The following SUPT3H variants were observed in gnomAD, a reference collection of about 807,000 sequenced individuals.
SUPT3H encodes the protein SPT3 homolog, SAGA and STAGA complex component, also known as transcription initiation protein SPT3 homolog.
A neutral mutation model predicts 44.3 loss-of-function variants in SUPT3H; 44 were observed. The ratio of observed to expected loss-of-function variants is 0.99; its 90% CI spans 0.78 to 1.28. The LOEUF (loss-of-function observed/expected upper bound fraction) is 1.28, where lower values mean the gene tolerates loss of function less well. Ranked by LOEUF, SUPT3H falls within the 50% of genes most tolerant of loss-of-function variation. The pLI, the probability that SUPT3H is intolerant of heterozygous loss-of-function variation, is 0.00. For synonymous variants in SUPT3H, 124 were observed against 125.6 expected, an observed-to-expected ratio of 0.99 and a Z score of 0.09; for missense variants, 380 against 387.1, an observed-to-expected ratio of 0.98 and a Z score of 0.15.
intron 2 of SUPT3H, among the ~76,000 whole-genome samples, chr6:45,126,248 G>A (rs1237569780): frequency 2.0e-5 from 3 of 152,154 alleles, no homozygotes; most frequent in Non-Finnish European, 2.9e-5. Flanking sequence ...TGTGTACAGG[G>A]CCTCTTTTAA....
At chr6:45,140,710 G>A (rs908203733) in intron 2 of SUPT3H, among the ~76,000 whole-genome samples, 3 of 152,192 alleles carry the variant, frequency 2.0e-5, no homozygotes, top group African/African-American at 7.2e-5. Flanking sequence ...GAGACCTGAA[G>A]ACGGATAACA....
chr6:44,994,037 C>CA (rs1362221098), intron 6 of SUPT3H, among the ~76,000 whole-genome samples: 5 of 151,866 alleles, frequency 3.3e-5, no homozygotes, highest in African/African-American at 1.2e-4. Context: ...GGCTCAAAAA[C>CA]AAAACCAATA....
chr6:45,079,810 A>T (rs1795542496), intron 3 of SUPT3H, among the ~76,000 whole-genome samples: 1 of 152,226 alleles, frequency 6.6e-6, no homozygotes. Flanking sequence ...AAAATGGATT[A>T]AAGACTTAAA....
Position 45,165,711 on chromosome 6 carries a change from C to T in SUPT3H, c.102-59705G>A, listed in dbSNP as rs1809730592. On this transcript the variant is annotated intron_variant, in intron 2 of 10. Coordinates refer to ENST00000371459, the MANE Select transcript of SUPT3H (RefSeq NM_003599.4). ...AAAAACAGAATATCAGAGATAAATT[C>T]ATTAGATGACCTTATTAACGGTAAG... Among the ~76,000 whole-genome samples the T allele has an allele frequency of 2.0e-5, 3 of 151,996 alleles. No homozygotes were observed. In the South Asian group the frequency reaches 6.2e-4, roughly 32 times the overall value.
chr6:45,160,614 C>CA (rs551602245), intron 2 of SUPT3H, among the ~76,000 whole-genome samples: 5,405 of 138,910 alleles, frequency 0.039, 118 homozygotes, highest in Non-Finnish European at 0.06. Context: ...TGAATTGAAA[C>CA]AAAAAAAAAA....
chr6:44,831,141 T>C (rs1486613153), intron 10 of SUPT3H, among the ~76,000 whole-genome samples: 1 of 152,168 alleles, frequency 6.6e-6, no homozygotes, highest in Non-Finnish European at 1.5e-5. Context: ...CTTAAGAAGA[T>C]TTACTGTGCT....
At chr6:45,082,823 T>G (rs1352451709) in intron 3 of SUPT3H, among the ~76,000 whole-genome samples, 1 of 152,060 alleles carries the variant, frequency 6.6e-6, no homozygotes, top group Non-Finnish European at 1.5e-5. Context: ...AGGAAAATAC[T>G]AAGTCAAATT....
intron 2 of SUPT3H, among the ~76,000 whole-genome samples, chr6:45,205,539 G>A (rs1355733795): frequency 6.6e-6 from 1 of 152,162 alleles, no homozygotes; most frequent in Non-Finnish European, 1.5e-5. Context: ...GGCTCATGCT[G>A]TAATCTCAGC....
intron 3 of SUPT3H, among the ~76,000 whole-genome samples, chr6:45,025,076 C>T (rs1785752333): frequency 6.6e-6 from 1 of 152,150 alleles, no homozygotes; most frequent in Admixed American, 6.6e-5. Context: ...TATAATAATA[C>T]ATAAATCTCT....
intron 10 of SUPT3H, among the ~76,000 whole-genome samples, chr6:44,864,740 C>G (rs1561913356): frequency 6.6e-6 from 1 of 152,022 alleles, no homozygotes; most frequent in Non-Finnish European, 1.5e-5. Context: ...GACCCTGGGC[C>G]CAGCCCACAA....
At chr6:45,299,501 TAAGTAA>T (rs1039922262) in intron 2 of SUPT3H, among the ~76,000 whole-genome samples, 8 of 152,272 alleles carry the variant, frequency 5.3e-5, no homozygotes, top group South Asian at 4.1e-4. Flanking sequence ...ATGTGTAATA[TAAGTAA>T]AAGTTCAATT....
At chr6:44,885,181 C>T (rs13213412) in intron 10 of SUPT3H, among the ~76,000 whole-genome samples, 51,075 of 152,060 alleles carry the variant, frequency 0.34, 9,543 homozygotes, top group Admixed American at 0.41. Flanking sequence ...TCCACCTCTG[C>T]GGGCAGGGCA....
intron 3 of SUPT3H, among the ~76,000 whole-genome samples, chr6:45,068,514 A>G (rs1055496612): frequency 1.3e-5 from 2 of 152,192 alleles, no homozygotes; most frequent in African/African-American, 2.4e-5. Context: ...GATAGGGGTA[A>G]TCTCCTAAAA....
chr6:44,879,541 A>G (rs1375447878), intron 10 of SUPT3H, among the ~76,000 whole-genome samples: 1 of 152,146 alleles, frequency 6.6e-6, no homozygotes, highest in Non-Finnish European at 1.5e-5. Context: ...TTCTGAAGAG[A>G]GCAGTGGATC....
intron 2 of SUPT3H, among the ~76,000 whole-genome samples, chr6:45,302,675 G>T (rs141262551): frequency 0.017 from 2,624 of 151,494 alleles, 48 homozygotes; most frequent in South Asian, 0.084. Flanking sequence ...TTTCTGTATA[G>T]CAACTTCTTT....
At chr6:45,002,957 TATG>T (rs1158362770) in intron 6 of SUPT3H, among the ~76,000 whole-genome samples, 2 of 152,160 alleles carry the variant, frequency 1.3e-5, no homozygotes, top group African/African-American at 4.8e-5. Flanking sequence ...TATGTGAAAG[TATG>T]ATAATAGCAA....
chr6:44,909,132 T>C (rs569421327), intron 10 of SUPT3H, among the ~76,000 whole-genome samples: 129 of 107,774 alleles, frequency 1.2e-3, no homozygotes, highest in African/African-American at 3.2e-3. Context: ...GAGGTGTGTG[T>C]GTGTGTGTGC....
intron 2 of SUPT3H, among the ~76,000 whole-genome samples, chr6:45,296,844 A>G (rs1781350150): frequency 6.6e-6 from 1 of 150,982 alleles, no homozygotes; most frequent in South Asian, 2.1e-4. Context: ...GAACTTATTC[A>G]TGTAACCAAA....
At position 44,843,255 on chromosome 6, in the gene SUPT3H, A is replaced by C. The variant is rs1006319348; in HGVS notation, c.913-13398T>G. On this transcript the variant is annotated intron_variant, in intron 10 of 10. Coordinates refer to ENST00000371459, the MANE Select transcript of SUPT3H (RefSeq NM_003599.4). ...ACAGGCAAGAACAATGGTGCTGTAC[A>C]ATCTGATAAAAGACATACATAAAAA... Among the ~76,000 whole-genome samples, 4 of 152,312 alleles carry C rather than the reference A, an allele frequency of 2.6e-5. No individual in the cohort carries two copies. The South Asian group carries it at 8.3e-4, about 32-fold the overall frequency.
Sources: allele counts gnomAD v4.1 joint callset (sites outside exome capture counted in the v4.1 genomes callset), GRCh38; gene constraint gnomAD v4.1.1; transcripts MANE v1.5; gene names NCBI Gene and HGNC (gene_info 2026-07-23, HGNC 2026-07-21).